The following COL24A1 variants were observed in gnomAD, a reference collection of about 807,000 sequenced individuals.
COL24A1 encodes the protein collagen alpha-1(XXIV) chain.
Under a neutral mutation model 253.9 loss-of-function variants are expected in COL24A1, and 224 were observed. That is an observed-to-expected ratio of 0.88 (90% confidence interval 0.79 to 0.99). The LOEUF (loss-of-function observed/expected upper bound fraction) is 0.99. Ranked by LOEUF, COL24A1 falls within the 50% of genes least tolerant of loss-of-function variation. The pLI is 0.00. For missense variants in COL24A1, 2,131 were observed against 2,068.5 expected (o/e 1.03, Z -0.59); for synonymous variants, 685 against 673.7 (o/e 1.02, Z -0.26).
chr1:85,857,540 A>C (rs1009718344), intron 37 of COL24A1, among the ~76,000 whole-genome samples: 3 of 151,980 alleles, frequency 2.0e-5, no homozygotes, highest in Non-Finnish European at 4.4e-5. Flanking sequence ...AGAAACCATC[A>C]GGGTAGGCGG....
chr1:85,759,778 G>T (rs1666651565), intron 55 of COL24A1, among the ~76,000 whole-genome samples: 1 of 152,160 alleles, frequency 6.6e-6, no homozygotes, highest in Non-Finnish European at 1.5e-5. Flanking sequence ...GGCTGTGTAG[G>T]AACACATGTA....
intron 2 of COL24A1, among the ~76,000 whole-genome samples, chr1:86,126,753 C>T (rs1648369565): frequency 6.6e-6 from 1 of 152,082 alleles, no homozygotes; most frequent in Non-Finnish European, 1.5e-5. Context: ...AACCACCACG[C>T]CTGATCTCCA....
rs1022733274 is a variant in COL24A1 at position 85,909,838 on chromosome 1, A to C, written c.2670+112T>G. The C allele has an allele frequency of 6.9e-6, 6 of 874,344 alleles. No homozygotes were observed. In the African/African-American group the frequency reaches 1.0e-4, roughly 15 times the overall value. The allele number at this position is 874,344 out of a possible 1,614,324, so 54.2% of individuals were successfully genotyped here. ...CATTTAAAAATAAAATTCTATGGGA[A>C]ATTTAACATTTTTTACTCAGTTAAA... On this transcript the variant is annotated intron_variant, in intron 26 of 59. Coordinates refer to ENST00000370571, the MANE Select transcript of COL24A1 (RefSeq NM_152890.7).
At chr1:85,957,159 C>T (rs192983005) in intron 24 of COL24A1, among the ~76,000 whole-genome samples, 33 of 152,060 alleles carry the variant, frequency 2.2e-4, no homozygotes, top group Admixed American at 1.8e-3. Context: ...ATGGACACCA[C>T]GAGGGGAACA....
chr1:86,079,267 T>G (rs1056785995), intron 7 of COL24A1, among the ~76,000 whole-genome samples: 2 of 152,194 alleles, frequency 1.3e-5, no homozygotes, highest in African/African-American at 4.8e-5. Context: ...ATAATGAAAC[T>G]TGATCCCTAT....
chr1:85,967,651 C>T (rs1691697993), intron 22 of COL24A1, among the ~76,000 whole-genome samples: 2 of 152,066 alleles, frequency 1.3e-5, no homozygotes, highest in East Asian at 1.9e-4. Flanking sequence ...AGTCCACAGA[C>T]GAGGTAGCAG....
intron 26 of COL24A1, 105 bp downstream of exon 26, chr1:85,909,845 C>A: frequency 1.1e-6 from 1 of 915,248 alleles, no homozygotes; most frequent in Non-Finnish European, 1.8e-6. Flanking sequence ...GGAAATTTAA[C>A]ATTTTTTACT....
rs1177289527 is a variant in COL24A1 at position 86,125,979 on chromosome 1, A to G, written c.357T>C (p.Asn119=). Reference sequence around the variant, plus strand: ...TATTTCTAATGCTGAAGAGAAATGCATTGTTCACCCGATGTGACTGTAACC... The same window carrying G: ...TATTTCTAATGCTGAAGAGAAATGCGTTGTTCACCCGATGTGACTGTAACC... The part of the protein sequence containing the change: ...LTGLQSHRVN[N]AFLFSIRNKN... Residue 119 remains asparagine (N), a synonymous_variant, in exon 3 of 60, where the codon AAT becomes AAC. Transcript: ENST00000370571. 2 of 1,613,580 alleles carry G rather than the reference A, an allele frequency of 1.2e-6. No individual in the cohort carries two copies. Among genetic ancestry groups the G allele is most frequent in the Admixed American group, 1.7e-5 (1 of 59,850 alleles).
chr1:85,999,877 A>G (rs2101043071), intron 19 of COL24A1, among the ~76,000 whole-genome samples: 1 of 152,310 alleles, frequency 6.6e-6, no homozygotes, highest in South Asian at 2.1e-4. Context: ...CAAGAATTGC[A>G]ACATTAGCCC....
At chr1:85,884,505 T>C (rs969477247) in intron 32 of COL24A1, among the ~76,000 whole-genome samples, 49 of 152,268 alleles carry the variant, frequency 3.2e-4, no homozygotes, top group African/African-American at 1.2e-3. Context: ...GGAACCCCAC[T>C]GATTTGATTG....
intron 24 of COL24A1, among the ~76,000 whole-genome samples, chr1:85,922,189 T>A (rs1686592177): frequency 1.3e-5 from 2 of 152,326 alleles, no homozygotes; most frequent in South Asian, 4.1e-4. Context: ...AATCTACATT[T>A]CATTGGTGTA....
intron 3 of COL24A1, among the ~76,000 whole-genome samples, chr1:86,124,549 G>C (rs1302490890): frequency 6.6e-6 from 1 of 151,740 alleles, no homozygotes; most frequent in African/African-American, 2.4e-5. Flanking sequence ...TTGAAATCCT[G>C]ATTGAATTTC....
Position 85,940,130 on chromosome 1 carries a change from C to T in COL24A1, c.2562+21119G>A, listed in dbSNP as rs1688606534. 2.5e-5 allele frequency among the ~76,000 whole-genome samples: 2 copies of T among 80,012 alleles called. 1 individual carries two copies. Among genetic ancestry groups the T allele is most frequent in the Middle Eastern group, 0.012 (2 of 164 alleles). The allele number at this position is 80,012 out of a possible 152,430, so 52.5% of individuals were successfully genotyped here. On this transcript the variant is annotated intron_variant, in intron 24 of 59. Transcript: ENST00000370571. ...TTTAAAAAGTGCCATAAGGGCCGGG[C>T]GCGGTGGCTCACGCCTGTAATCCCA...
At chr1:86,109,884 A>G (rs1344123989) in intron 5 of COL24A1, among the ~76,000 whole-genome samples, 1 of 152,224 alleles carries the variant, frequency 6.6e-6, no homozygotes, top group East Asian at 1.9e-4. Context: ...TAGTGCCCTT[A>G]TAAAAGAGAC....
At chr1:85,790,517 T>C (rs941327021) in intron 47 of COL24A1, among the ~76,000 whole-genome samples, 3 of 152,146 alleles carry the variant, frequency 2.0e-5, no homozygotes, top group Non-Finnish European at 4.4e-5. Flanking sequence ...GATTCGTTGA[T>C]TTTTTGAAGG....
chr1:86,120,479 A>T (rs1706634415), intron 3 of COL24A1, among the ~76,000 whole-genome samples: 1 of 152,228 alleles, frequency 6.6e-6, no homozygotes, highest in South Asian at 2.1e-4. Flanking sequence ...AAAGTGGGCA[A>T]AGGATATGAA....
At chr1:85,796,929 G>A (rs771861135) in intron 47 of COL24A1, among the ~76,000 whole-genome samples, 18 of 151,910 alleles carry the variant, frequency 1.2e-4, no homozygotes, top group Admixed American at 2.6e-4. Flanking sequence ...GGCCGGGCAC[G>A]GTGGCTCACG....
intron 24 of COL24A1, among the ~76,000 whole-genome samples, chr1:85,922,647 C>A (rs2103019759): frequency 6.6e-6 from 1 of 152,186 alleles, no homozygotes; most frequent in Non-Finnish European, 1.5e-5. Context: ...CCAGGCCTGT[C>A]TTACAAGAAC....
chr1:85,831,028 C>T (rs1278498064), intron 43 of COL24A1, among the ~76,000 whole-genome samples: 1 of 152,092 alleles, frequency 6.6e-6, no homozygotes, highest in African/African-American at 2.4e-5. Context: ...GTTTAAGTTT[C>T]AACTTCCCGA....
Sources: allele counts gnomAD v4.1 joint callset (sites outside exome capture counted in the v4.1 genomes callset), GRCh38; gene constraint gnomAD v4.1.1; transcripts MANE v1.5; gene names NCBI Gene and HGNC (gene_info 2026-07-23, HGNC 2026-07-21).